The following CFAP47 variants were observed in gnomAD, a reference collection of about 807,000 sequenced individuals.
CFAP47 encodes the protein cilia- and flagella-associated protein 47.
A neutral mutation model predicts 148.1 loss-of-function variants in CFAP47; 29 were observed. That is an observed-to-expected ratio of 0.20 (90% CI 0.15 to 0.27). The LOEUF is 0.27. CFAP47 is among the 10% of genes least tolerant of loss of function. CFAP47 has a pLI of 1.00. For missense variants in CFAP47, 1,872 were observed against 1,697.5 expected (o/e 1.10, Z -1.81); for synonymous variants, 664 against 577.3 (o/e 1.15, Z -2.15).
intron 26 of CFAP47, among the ~76,000 whole-genome samples, chrX:36,056,993 T>C (rs1336330595): frequency 8.9e-6 from 1 of 112,020 alleles, no homozygotes; most frequent in African/African-American, 3.2e-5. Context: ...TACTCCCTAA[T>C]AATCCTCTTA....
intron 46 of CFAP47, 146 bp from the exon 47 acceptor site, chrX:36,235,788 A>G (rs1940455405): frequency 2.9e-6 from 1 of 346,819 alleles, no homozygotes. Context: ...TTTATTCTTA[A>G]CAAATATGAC....
At chrX:36,228,895 T>A (rs1940303380) in intron 46 of CFAP47, 71 bp downstream of exon 46, 3 of 467,314 alleles carry the variant, frequency 6.4e-6, no homozygotes, top group Non-Finnish European at 1.2e-5. Context: ...CCTCCAGACC[T>A]CTCATCTTGG....
intron 19 of CFAP47, among the ~76,000 whole-genome samples, chrX:35,998,837 T>C (rs754424679): frequency 9.0e-6 from 1 of 111,461 alleles, no homozygotes; most frequent in Non-Finnish European, 1.9e-5. Context: ...TATTAGATAA[T>C]ATTGAGTCTT....
intron 33 of CFAP47, among the ~76,000 whole-genome samples, chrX:36,118,526 G>A (rs182216810): frequency 2.5e-4 from 28 of 110,435 alleles, no homozygotes; most frequent in Non-Finnish European, 4.4e-4. Context: ...CTGGAATGCC[G>A]TGGCGTGATC....
intron 33 of CFAP47, among the ~76,000 whole-genome samples, chrX:36,119,221 C>T (rs1938697365): frequency 8.9e-6 from 1 of 111,736 alleles, no homozygotes; most frequent in African/African-American, 3.3e-5. Flanking sequence ...TCATATGTAG[C>T]TGTTATTATG....
intron 1 of CFAP47, 66 bp downstream of exon 1, chrX:35,920,114 T>G: frequency 9.1e-7 from 1 of 1,098,437 alleles, no homozygotes; most frequent in South Asian, 2.5e-5. Context: ...GCGTCTCTCT[T>G]TGCCCCAGGG....
intron 45 of CFAP47, among the ~76,000 whole-genome samples, chrX:36,224,182 AT>A (rs1940244419): frequency 9.0e-6 from 1 of 110,705 alleles, no homozygotes; most frequent in Non-Finnish European, 1.9e-5. Context: ...ATGGGGGGAA[AT>A]AAACCCTTTT....
chrX:35,944,400 G>A (rs1422376315), intron 3 of CFAP47, among the ~76,000 whole-genome samples: 3 of 110,880 alleles, frequency 2.7e-5, no homozygotes, highest in Non-Finnish European at 3.8e-5. Flanking sequence ...GTGATTTCTT[G>A]GAGTTTCACT....
At chrX:36,339,248 T>TTATAAA (rs10660385) in intron 57 of CFAP47, among the ~76,000 whole-genome samples, 35,316 of 109,714 alleles carry the variant, frequency 0.32, 6,926 homozygotes, top group African/African-American at 0.73. Context: ...AAAATCTCAC[T>TTATAAA]TATAAATAAC....
chrX:36,204,011 G>A (rs1413235349), intron 44 of CFAP47, among the ~76,000 whole-genome samples: 2 of 111,972 alleles, frequency 1.8e-5, no homozygotes, highest in African/African-American at 6.5e-5. Context: ...CTGATGATGA[G>A]CATTTTTTCA....
intron 2 of CFAP47, among the ~76,000 whole-genome samples, chrX:35,929,767 G>A (rs1024549314): frequency 1.8e-5 from 2 of 111,298 alleles, no homozygotes; most frequent in African/African-American, 6.6e-5. Context: ...GGGAGGCTGA[G>A]GCAGGCGGAT....
intron 57 of CFAP47, among the ~76,000 whole-genome samples, chrX:36,341,274 A>T (rs1420406245): frequency 9.1e-6 from 1 of 110,442 alleles, no homozygotes; most frequent in Non-Finnish European, 1.9e-5. Context: ...TGACCTTGTG[A>T]TCTGCCCGCC....
chrX:36,224,173 T>C (rs193271966), intron 45 of CFAP47, among the ~76,000 whole-genome samples: 231 of 110,279 alleles, frequency 2.1e-3, no homozygotes, highest in Non-Finnish European at 3.2e-3. Context: ...CTTGTATCCA[T>C]GGGGGGAAAT....
At chrX:36,021,238 T>TAAG (rs1937154508) in intron 22 of CFAP47, among the ~76,000 whole-genome samples, 1 of 111,625 alleles carries the variant, frequency 9.0e-6, no homozygotes, top group African/African-American at 3.3e-5. Flanking sequence ...TCATTTAGTC[T>TAAG]ATGTAAGAGT....
chrX:36,004,276 CA>C (rs1936955113), intron 21 of CFAP47, among the ~76,000 whole-genome samples: 1 of 110,716 alleles, frequency 9.0e-6, no homozygotes. Context: ...TGCACCAGAC[CA>C]AAAACCACTA....
At chrX:36,039,545 C>G (rs1461008854) in intron 25 of CFAP47, among the ~76,000 whole-genome samples, 1 of 112,219 alleles carries the variant, frequency 8.9e-6, no homozygotes, top group African/African-American at 3.2e-5. Flanking sequence ...TGCAGTTTCT[C>G]TGACTTAGTA....
chrX:36,156,500 T>C (rs1185380021), intron 37 of CFAP47, among the ~76,000 whole-genome samples: 1 of 111,216 alleles, frequency 9.0e-6, no homozygotes, highest in Non-Finnish European at 1.9e-5. Flanking sequence ...AGCAAACCAT[T>C]CTTTTTTTCT....
chrX:36,259,926 C>T (rs1940797826), intron 49 of CFAP47, among the ~76,000 whole-genome samples: 1 of 111,275 alleles, frequency 9.0e-6, no homozygotes, highest in African/African-American at 3.3e-5. Flanking sequence ...CATGTCTATT[C>T]AATCTTTAGC....
intron 39 of CFAP47, among the ~76,000 whole-genome samples, chrX:36,173,569 T>A (rs1441256867): frequency 8.9e-6 from 1 of 111,882 alleles, no homozygotes; most frequent in Non-Finnish European, 1.9e-5. Flanking sequence ...TCAGTAGTCA[T>A]TCAGGAGCAG....
Sources: gnomAD v4.1 joint callset for allele counts (sites outside exome capture counted in the v4.1 genomes callset) on GRCh38, gnomAD v4.1.1 for gene constraint, MANE v1.5 for transcripts, NCBI Gene and HGNC (gene_info 2026-07-23, HGNC 2026-07-21) for gene names.